RTTN: variants seen among roughly 807,000 people sequenced by gnomAD.
RTTN encodes the protein rotatin.
A neutral mutation model predicts 269.2 loss-of-function variants in RTTN; 182 were observed. The observed-to-expected ratio is 0.68, with a 90% CI of 0.60 to 0.76. The LOEUF is 0.76. Ranked by LOEUF, RTTN falls within the 30% of genes least tolerant of loss-of-function variation. RTTN has a pLI of 0.00. For missense variants in RTTN, 2,545 were observed against 2,608.6 expected (o/e 0.98, Z 0.53); for synonymous variants, 1,006 against 963.5 (o/e 1.04, Z -0.82).
rs370674668 is a variant in RTTN, at chr18:70,149,027, T to G, written c.2183A>C (p.Asp728Ala). The change falls in exon 17 of 49, where the codon GAC becomes GCC. Residue 728 changes from aspartate to alanine, a missense_variant. Asp to Ala is a moderately radical substitution (Grantham distance 126). Transcript: ENST00000640769. ...GCAGTTACCCAGAGGATCTTCTGTG[T>G]CGGCATAGCCCTAATAGATTTGTTT... Reference protein sequence around the residue: ...PVIPILQGYADTEDPLGNCIL... With the variant: ...PVIPILQGYAATEDPLGNCIL... 2.9e-4 allele frequency: 464 copies of G among 1,613,136 alleles called. No homozygotes were observed. The highest frequency in any genetic ancestry group is 3.7e-4 in the Non-Finnish European group (442 of 1,179,410).
chr18:70,166,949 A>G lies in RTTN; in HGVS notation c.1772T>C (p.Ile591Thr). The G allele has an allele frequency of 6.2e-7, 1 of 1,612,896 alleles. No individual in the cohort carries two copies. The highest frequency in any genetic ancestry group is 8.5e-7 in the Non-Finnish European group (1 of 1,179,146). ...TGAACAAATGCTGATGATTTCCTTTATTAGCGGGAAATGCTGATGATAGGA... is the reference window on the plus strand; with the variant it reads ...TGAACAAATGCTGATGATTTCCTTTGTTAGCGGGAAATGCTGATGATAGGA... ...SFSYHQHFPL[I>T]KEIISICSKI... is the part of the protein sequence containing the mutation. The change falls in exon 13 of 49, where the codon ATA becomes ACA. Residue 591 changes from isoleucine (I) to threonine (T), a missense_variant. Transcript: ENST00000640769.
At position 70,157,734 on chromosome 18, in the gene RTTN, T is replaced by C. The variant is rs73966812; in HGVS notation, c.1930-7001A>G. On this transcript the variant is annotated intron_variant, in intron 14 of 48. Coordinates refer to ENST00000640769, the MANE Select transcript of RTTN (RefSeq NM_173630.4). ...AGTAAAATGGTGGTTTGATCCATGA[T>C]TGGATCTGACACAAACATTTTAAGT... 8.8e-3 allele frequency among the ~76,000 whole-genome samples: 1,342 copies of C among 152,198 alleles called. 22 individuals are homozygous for C. Among genetic ancestry groups the C allele is most frequent in the African/African-American group, 0.03 (1,247 of 41,496 alleles).
At chr18:70,128,200 T>G in intron 24 of RTTN, 158 bp downstream of exon 24, 1 of 592,156 alleles carries the variant, frequency 1.7e-6, no homozygotes, top group South Asian at 2.6e-5. Flanking sequence ...AATAAACACA[T>G]GTAATATTTA....
chr18:70,022,255 G>A (rs1224049209), intron 44 of RTTN, among the ~76,000 whole-genome samples: 1 of 151,684 alleles, frequency 6.6e-6, no homozygotes, highest in Non-Finnish European at 1.5e-5. Flanking sequence ...TCTCCTAAAT[G>A]AAGAAAGCAG....
At chr18:70,140,363 C>A (rs539378209) in intron 19 of RTTN, among the ~76,000 whole-genome samples, 175 bp from the exon 20 acceptor site, 1 of 152,148 alleles carries the variant, frequency 6.6e-6, no homozygotes, top group South Asian at 2.1e-4. Flanking sequence ...TACACCTGTC[C>A]AATTTGAAAA....
intron 28 of RTTN, 90 bp from the exon 29 acceptor site, chr18:70,092,894 T>C (rs2058890088): frequency 8.8e-7 from 1 of 1,134,542 alleles, no homozygotes; most frequent in Non-Finnish European, 1.2e-6. Flanking sequence ...CTTGTATGAA[T>C]TGAATCCTTA....
intron 35 of RTTN, among the ~76,000 whole-genome samples, chr18:70,060,676 C>T (rs975826244): frequency 2.0e-5 from 3 of 151,946 alleles, no homozygotes; most frequent in African/African-American, 7.3e-5. Flanking sequence ...CTATAGTTAC[C>T]CTGTTGTGCT....
chr18:70,093,837 CCT>C (rs2058921539), intron 28 of RTTN, among the ~76,000 whole-genome samples: 1 of 151,248 alleles, frequency 6.6e-6, no homozygotes, highest in African/African-American at 2.5e-5. Flanking sequence ...CGGAGGATTC[CCT>C]CTTTTCTATC....
intron 10 of RTTN, among the ~76,000 whole-genome samples, chr18:70,186,559 C>T (rs978463544): frequency 1.3e-5 from 2 of 152,094 alleles, no homozygotes; most frequent in Admixed American, 6.5e-5. Context: ...ACCATAAAGA[C>T]ACATACATGT....
rs1346123403 is a variant in RTTN, at chr18:70,201,550, G to T, written c.487+344C>A. Among the ~76,000 whole-genome samples, 15 of 138,396 alleles carry T rather than the reference G, an allele frequency of 1.1e-4. No homozygotes were observed. In the Admixed American group the frequency reaches 1.1e-3, roughly 10 times the overall value. 90.8% of individuals were successfully genotyped at this position (138,396 alleles called of 152,430 possible). On this transcript the variant is annotated intron_variant, in intron 4 of 48. Coordinates refer to ENST00000640769, the MANE Select transcript of RTTN (RefSeq NM_173630.4). ...GTGAACCCGGGAGGCGGAGCTTGCA[G>T]TGAGCCGAGATCCCACCACTGCACT...
At chr18:70,127,194 AT>A (rs2059887124) in intron 25 of RTTN, among the ~76,000 whole-genome samples, 1 of 152,204 alleles carries the variant, frequency 6.6e-6, no homozygotes, top group South Asian at 2.1e-4. Flanking sequence ...GTCTCAACTC[AT>A]TTATAACATG....
intron 25 of RTTN, among the ~76,000 whole-genome samples, chr18:70,124,819 A>G (rs1053673410): frequency 6.6e-6 from 1 of 152,080 alleles, no homozygotes; most frequent in Non-Finnish European, 1.5e-5. Flanking sequence ...TAAGGTTAAA[A>G]GCAGAAAAAC....
rs1406646354 is a variant in RTTN at position 70,201,921 on chromosome 18, G to C, written c.460C>G (p.Gln154Glu). The change falls in exon 4 of 49, where the codon CAG becomes GAG. Residue 154 changes from glutamine to glutamate, a missense_variant. Physicochemically the swap from Gln to Glu is conservative, Grantham distance 29. Coordinates refer to ENST00000640769, the MANE Select transcript of RTTN (RefSeq NM_173630.4). The part of the protein sequence containing the change: ...YFPQDKSNFQ[Q>E]MEVPPRPVVN... ...ACTGGTCGTGGCGGCACTTCCATCT[G>C]CTGGAAATTACTTTTGTCTTGGGGA... 1 of 1,611,582 alleles carries C rather than the reference G, an allele frequency of 6.2e-7. No individual in the cohort carries two copies. Among genetic ancestry groups the C allele is most frequent in the Non-Finnish European group, 8.5e-7 (1 of 1,178,044 alleles).
intron 7 of RTTN, chr18:70,194,626 TA>T (rs2061758288): frequency 6.6e-6 from 1 of 152,232 alleles, no homozygotes; most frequent in African/African-American, 2.4e-5. Flanking sequence ...TTCAGCCATA[TA>T]AAGGAATGAA....
Position 70,013,476 on chromosome 18 carries a change from A to C in RTTN, c.6421+3931T>G, listed in dbSNP as rs2056455151. ...CCCCTCTGATAATGCAAGTGGATCG[A>C]CTTTTTTAACAAAACAAATGTTATT... is the stretch of plus-strand genomic sequence containing the variant. On this transcript the variant is annotated intron_variant, in intron 46 of 48. Coordinates refer to ENST00000640769, the MANE Select transcript of RTTN (RefSeq NM_173630.4). Among the ~76,000 whole-genome samples, 3 of 143,398 alleles carry C rather than the reference A, an allele frequency of 2.1e-5. No homozygotes were observed. The South Asian group carries it at 6.3e-4, about 30-fold the overall frequency. 94.1% of individuals were successfully genotyped at this position (143,398 alleles called of 152,430 possible).
At chr18:70,114,346 T>C (rs2059549295) in intron 27 of RTTN, 99 bp downstream of exon 27, 2 of 1,095,458 alleles carry the variant, frequency 1.8e-6, no homozygotes, top group Non-Finnish European at 2.6e-6. Context: ...GAAAGAAGTA[T>C]TTCTTAATTT....
At chr18:70,035,961 T>C (rs1310870465) in intron 40 of RTTN, among the ~76,000 whole-genome samples, 5 of 152,038 alleles carry the variant, frequency 3.3e-5, no homozygotes, top group African/African-American at 1.2e-4. Context: ...AAGCTCAACA[T>C]CACTGATCAT....
At chr18:70,130,908 T>C (rs2059981876) in intron 23 of RTTN, 1 of 151,948 alleles carries the variant, frequency 6.6e-6, no homozygotes, top group Non-Finnish European at 1.5e-5. Context: ...ACTCCATAAA[T>C]ATGTACTATT....
intron 17 of RTTN, among the ~76,000 whole-genome samples, 164 bp downstream of exon 17, chr18:70,148,737 C>G (rs927352346): frequency 4.6e-5 from 7 of 152,186 alleles, no homozygotes; most frequent in Non-Finnish European, 1.0e-4. Flanking sequence ...CAAGTACATA[C>G]AAGACCTTGT....
Sources: allele counts gnomAD v4.1 joint callset (sites outside exome capture counted in the v4.1 genomes callset), GRCh38; gene constraint gnomAD v4.1.1; transcripts MANE v1.5; gene names NCBI Gene and HGNC (gene_info 2026-07-23, HGNC 2026-07-21).